Variants in FHOD3 observed in about 807,000 individuals in gnomAD.
FHOD3 encodes the protein formin homology 2 domain containing 3.
FHOD3 carries 90 observed loss-of-function variants against 173.0 expected under a neutral mutation model. The observed-to-expected ratio is 0.52, with a 90% confidence interval of 0.44 to 0.62. FHOD3 has a LOEUF of 0.62. Among genes scored for constraint, FHOD3 ranks in the 20% least tolerant of loss-of-function variants. FHOD3 has a pLI of 0.00. For missense variants in FHOD3, 1,945 were observed against 2,034.7 expected, an observed-to-expected ratio of 0.96 and a Z score of 0.85; for synonymous variants, 828 against 823.0, an observed-to-expected ratio of 1.01 and a Z score of -0.10.
intron 3 of FHOD3, among the ~76,000 whole-genome samples, chr18:36,374,542 A>T (rs1248245649): frequency 6.6e-6 from 1 of 152,276 alleles, no homozygotes; most frequent in Non-Finnish European, 1.5e-5. Flanking sequence ...AAAATTAGTC[A>T]CTACAGAAGC....
chr18:36,396,937 T>C (rs998135744), intron 3 of FHOD3, among the ~76,000 whole-genome samples: 2 of 152,190 alleles, frequency 1.3e-5, no homozygotes, highest in African/African-American at 4.8e-5. Context: ...ACATGACTGA[T>C]TGCATTCTGA....
chr18:36,409,619 C>G (rs2049248505), intron 3 of FHOD3, among the ~76,000 whole-genome samples: 1 of 151,304 alleles, frequency 6.6e-6, no homozygotes, highest in Non-Finnish European at 1.5e-5. Flanking sequence ...ATTTCAGGGC[C>G]TGGTATACAG....
chr18:36,549,906 T>C (rs143434681), intron 5 of FHOD3, among the ~76,000 whole-genome samples: 17 of 151,968 alleles, frequency 1.1e-4, no homozygotes, highest in South Asian at 4.2e-4. Flanking sequence ...ACTCCCATTT[T>C]TTTTTCTAGA....
intron 10 of FHOD3, among the ~76,000 whole-genome samples, chr18:36,645,381 T>C (rs1331121924): frequency 6.6e-6 from 1 of 152,088 alleles, no homozygotes; most frequent in African/African-American, 2.4e-5. Context: ...GATGGTGAGA[T>C]TGTGCCACTG....
At chr18:36,331,352 C>T (rs571694775) in intron 1 of FHOD3, among the ~76,000 whole-genome samples, 96 of 152,254 alleles carry the variant, frequency 6.3e-4, no homozygotes, top group Non-Finnish European at 1.1e-3. Flanking sequence ...CTGCTTTATA[C>T]GAGGCCTCTT....
intron 4 of FHOD3, among the ~76,000 whole-genome samples, chr18:36,511,372 T>C (rs1353678298): frequency 6.6e-6 from 1 of 151,934 alleles, no homozygotes; most frequent in Non-Finnish European, 1.5e-5. Flanking sequence ...TTTTTTTCTT[T>C]TCTTTTCTTT....
chr18:36,508,622 C>T (rs1370109025), intron 4 of FHOD3, among the ~76,000 whole-genome samples: 1 of 135,480 alleles, frequency 7.4e-6, no homozygotes. Context: ...TTCATAGTGA[C>T]ACTACAAAAT....
intron 3 of FHOD3, among the ~76,000 whole-genome samples, chr18:36,493,213 CTTTTT>C (rs60189688): frequency 1.4e-5 from 2 of 138,158 alleles, no homozygotes; most frequent in Admixed American, 1.4e-4. Context: ...TTTTCTTTTT[CTTTTT>C]TTTTTTTTTT....
At position 36,709,117 on chromosome 18, in the gene FHOD3, C is replaced by T. The variant is rs534513025; in HGVS notation, c.2259C>T (p.Pro753=). Residue 753 remains proline (P), a synonymous_variant, in exon 18 of 29, where the codon CCC becomes CCT. Coordinates refer to ENST00000590592, the MANE Select transcript of FHOD3 (RefSeq NM_001281740.3). ...CAGCAAGTGCCGGGGATCCTGAACC[C>T]GAATCAGAGGCAGAACCGGAAGCAG... ...HPQASAGDPE[P]ESEAEPEAEA... 2.5e-5 allele frequency: 40 copies of T among 1,613,170 alleles called. No individual in the cohort carries two copies. In the Admixed American group the frequency reaches 5.2e-4, roughly 21 times the overall value.
At chr18:36,763,135 TTATATATGTGTATTATACACGTTA>T (rs1224785105) in intron 27 of FHOD3, among the ~76,000 whole-genome samples, 3 of 148,230 alleles carry the variant, frequency 2.0e-5, no homozygotes, top group Non-Finnish European at 3.0e-5. Flanking sequence ...ATTATACACG[TTATATATGTGTATTATACACGTTA>T]TATATATGTG....
chr18:36,602,496 A>G (rs1216870544), intron 7 of FHOD3, among the ~76,000 whole-genome samples, 178 bp from the exon 8 acceptor site: 2 of 152,258 alleles, frequency 1.3e-5, no homozygotes, highest in Admixed American at 6.5e-5. Context: ...CCTACTAAGA[A>G]ATATCCTCAA....
chr18:36,324,188 A>G (rs897674792), intron 1 of FHOD3, among the ~76,000 whole-genome samples: 15 of 152,236 alleles, frequency 9.9e-5, no homozygotes, highest in South Asian at 2.1e-4. Context: ...ATGGAAATAA[A>G]TGCATCTTGA....
intron 5 of FHOD3, among the ~76,000 whole-genome samples, chr18:36,530,217 C>G (rs2056725079): frequency 6.6e-6 from 1 of 152,188 alleles, no homozygotes; most frequent in African/African-American, 2.4e-5. Context: ...ACCCACCACT[C>G]AGCTTAAAAT....
At chr18:36,747,872 G>A (rs890445855) in intron 24 of FHOD3, among the ~76,000 whole-genome samples, 2 of 152,160 alleles carry the variant, frequency 1.3e-5, no homozygotes, top group African/African-American at 2.4e-5. Flanking sequence ...CACAGAACAC[G>A]GTTGAGGGAC....
At chr18:36,327,057 G>A (rs898374009) in intron 1 of FHOD3, among the ~76,000 whole-genome samples, 7 of 152,176 alleles carry the variant, frequency 4.6e-5, no homozygotes, top group Admixed American at 1.3e-4. Flanking sequence ...TGTAAAGTAC[G>A]TCATGAGGTT....
chr18:36,615,962 T>C (rs772819047), intron 9 of FHOD3, among the ~76,000 whole-genome samples: 21 of 152,212 alleles, frequency 1.4e-4, no homozygotes, highest in Non-Finnish European at 3.1e-4. Flanking sequence ...AGCCACCAGC[T>C]GGCCAGCTCT....
intron 1 of FHOD3, among the ~76,000 whole-genome samples, chr18:36,327,425 A>G (rs1056788918): frequency 6.6e-6 from 1 of 152,266 alleles, no homozygotes; most frequent in African/African-American, 2.4e-5. Flanking sequence ...AAAAACCGCA[A>G]TTACTTTTGC....
chr18:36,500,803 C>T (rs1245630390), intron 3 of FHOD3, among the ~76,000 whole-genome samples: 1 of 152,200 alleles, frequency 6.6e-6, no homozygotes, highest in Non-Finnish European at 1.5e-5. Flanking sequence ...CTGTACCCAG[C>T]AGGTTCTCAG....
intron 5 of FHOD3, among the ~76,000 whole-genome samples, chr18:36,565,534 T>A (rs572036848): frequency 2.0e-5 from 3 of 152,136 alleles, no homozygotes; most frequent in African/African-American, 7.2e-5. Context: ...CACAGATCAT[T>A]CCTCCCAAAA....
Sources: gnomAD v4.1 joint callset for allele counts (sites outside exome capture counted in the v4.1 genomes callset) on GRCh38, gnomAD v4.1.1 for gene constraint, MANE v1.5 for transcripts, NCBI Gene and HGNC (gene_info 2026-07-23, HGNC 2026-07-21) for gene names.